The following LOXHD1 variants were observed in gnomAD, a reference collection of about 807,000 sequenced individuals.
LOXHD1 encodes lipoxygenase homology PLAT domains 1.
LOXHD1 carries 205 observed loss-of-function variants against 248.2 expected under a neutral mutation model. That is an observed-to-expected ratio of 0.83 (90% CI 0.74 to 0.93). The LOEUF is 0.93. Among genes scored for constraint, LOXHD1 ranks in the 40% least tolerant of loss-of-function variants. The probability of loss-of-function intolerance (pLI) is 0.00; values close to 1 mark genes in which losing one functional copy is unlikely to be tolerated. For synonymous variants in LOXHD1, 1,113 were observed against 1,162.8 expected (o/e 0.96, Z 0.87); for missense variants, 2,930 against 2,971.6 (o/e 0.99, Z 0.33).
intron 37 of LOXHD1, among the ~76,000 whole-genome samples, 173 bp from the exon 38 acceptor site, chr18:46,489,315 G>A (rs1427836713): frequency 6.6e-6 from 1 of 152,040 alleles, no homozygotes; most frequent in African/African-American, 2.4e-5. Context: ...GTCTCAGAGG[G>A]TTCCTCCAGC....
intron 14 of LOXHD1, among the ~76,000 whole-genome samples, chr18:46,574,212 G>C (rs2037809755): frequency 6.6e-6 from 1 of 152,078 alleles, no homozygotes; most frequent in Admixed American, 6.5e-5. Context: ...TTGTCATTTT[G>C]TTTCCACCTA....
At chr18:46,645,725 C>T (rs1024943456) in intron 2 of LOXHD1, among the ~76,000 whole-genome samples, 3 of 151,886 alleles carry the variant, frequency 2.0e-5, no homozygotes, top group Non-Finnish European at 4.4e-5. Context: ...AGAAAATCAG[C>T]ACTGGTACTG....
At chr18:46,593,933 T>C (rs532479121) in intron 9 of LOXHD1, among the ~76,000 whole-genome samples, 173 bp from the exon 10 acceptor site, 2 of 152,334 alleles carry the variant, frequency 1.3e-5, no homozygotes, top group South Asian at 2.1e-4. Context: ...AAGGATTCCT[T>C]ACTATTAAAA....
In LOXHD1 at chr18:46,559,473, T is replaced by C. The variant is rs2037462304; in HGVS notation, c.3191A>G (p.Lys1064Arg). Residue 1064 changes from lysine (K) to arginine (R), a missense_variant, in exon 20 of 41, where the codon AAG becomes AGG. Lys to Arg is a conservative substitution (Grantham distance 26, BLOSUM62 2). Coordinates refer to ENST00000642948, the MANE Select transcript of LOXHD1 (RefSeq NM_001384474.1). Reference protein sequence around the residue: ...TGERPLKKSDKSNKFEQGQTD... With the variant: ...TGERPLKKSDRSNKFEQGQTD... The stretch of plus-strand genomic sequence containing the variant: ...CTGCCCCTGCTCAAATTTGTTGGAC[T>C]TGTCTGACTTCTTCAGGGGTCGTTC... 9.7e-6 allele frequency: 15 copies of C among 1,552,120 alleles called. No homozygotes were observed. The highest frequency in any genetic ancestry group is 1.1e-5 in the Non-Finnish European group (13 of 1,147,080).
intron 17 of LOXHD1, among the ~76,000 whole-genome samples, chr18:46,564,758 G>C (rs948559269): frequency 6.6e-6 from 1 of 151,666 alleles, no homozygotes; most frequent in Non-Finnish European, 1.5e-5. Context: ...ATGAGGGAAG[G>C]AGTTGATTCT....
rs1323336366 is a variant in LOXHD1, at chr18:46,569,516, C to T, written c.2170G>A (p.Asp724Asn). 4 of 1,551,998 alleles carry T rather than the reference C, an allele frequency of 2.6e-6. No individual in the cohort carries two copies. In the African/African-American group the frequency reaches 5.5e-5, roughly 21 times the overall value. Residue 724 changes from aspartate (D) to asparagine (N), a missense_variant, in exon 16 of 41, where the codon GAC (aspartate) becomes AAC (asparagine). Asp to Asn is a conservative substitution (Grantham distance 23). Coordinates refer to ENST00000642948, the MANE Select transcript of LOXHD1 (RefSeq NM_001384474.1). Reference sequence around the variant, plus strand: ...TCAAAGTAGTCTTTGAGGTTGTTGTCAGAGACAAGAAGAACTTGCTTGATG... The same window carrying T: ...TCAAAGTAGTCTTTGAGGTTGTTGTTAGAGACAAGAAGAACTTGCTTGATG... ...DTIKQVLLVS[D>N]NNLKDYFERG...
chr18:46,516,747 TATCATC>T (rs1027252559), intron 34 of LOXHD1, among the ~76,000 whole-genome samples: 2 of 150,734 alleles, frequency 1.3e-5, no homozygotes, highest in East Asian at 3.9e-4. Context: ...TCACCATCAT[TATCATC>T]ATCATCACCA....
rs577228875 is a variant in LOXHD1, at chr18:46,628,783, C to T, written c.512-10493G>A. ...TTTACTGAGCATTGACTCTGTGCCT[C>T]GGCACTAAGTCCTGTATGCTCATTT... On this transcript the variant is annotated intron_variant, in intron 4 of 40. Coordinates refer to ENST00000642948, the MANE Select transcript of LOXHD1 (RefSeq NM_001384474.1). Among the ~76,000 whole-genome samples the T allele has an allele frequency of 5.8e-4, 89 of 152,298 alleles. 1 individual carries two copies. The South Asian group carries it at 0.017, about 29-fold the overall frequency.
rs769737711 is a variant in LOXHD1, at chr18:46,522,501, T to C, written c.4877-192A>G. On this transcript the variant is annotated intron_variant, in intron 31 of 40. Coordinates refer to ENST00000642948, the MANE Select transcript of LOXHD1 (RefSeq NM_001384474.1). ...TCTCCTCTCCAAGAACTGAGGGAGT[T>C]GCTAACTCCCAATGTACAGACCAAA... is the stretch of plus-strand genomic sequence containing the variant. 3.7e-4 allele frequency among the ~76,000 whole-genome samples: 57 copies of C among 152,230 alleles called. 2 individuals carry two copies. Among genetic ancestry groups the C allele is most frequent in the Non-Finnish European group, 4.4e-5 (3 of 68,042 alleles).
In LOXHD1 at chr18:46,547,028, T is replaced by C. The variant is rs1215355831; in HGVS notation, c.3381A>G (p.Ala1127=). Residue 1127 remains alanine, a synonymous_variant, in exon 22 of 41, where the codon GCA becomes GCG. Coordinates refer to ENST00000642948, the MANE Select transcript of LOXHD1 (RefSeq NM_001384474.1). The part of the protein sequence containing the change: ...TYYFPCQRWL[A]VEEDDGQLSR... ...ACAGCTGGCCATCATCTTCCTCCACTGCCAGCCAACGTTGGCATGGAAAGT... is the reference window on the plus strand; with the variant it reads ...ACAGCTGGCCATCATCTTCCTCCACCGCCAGCCAACGTTGGCATGGAAAGT... 6.4e-7 allele frequency: 1 copy of C among 1,551,750 alleles called. No individual in the cohort carries two copies. The highest frequency in any genetic ancestry group is 1.4e-5 in the African/African-American group (1 of 73,174).
chr18:46,545,922 C>T (rs1357226959), intron 22 of LOXHD1, among the ~76,000 whole-genome samples: 1 of 136,370 alleles, frequency 7.3e-6, no homozygotes, highest in East Asian at 2.2e-4. Context: ...AGCCACCGCG[C>T]CTCTTGGCCA....
At chr18:46,539,773 G>C (rs2036476455) in intron 25 of LOXHD1, among the ~76,000 whole-genome samples, 1 of 151,838 alleles carries the variant, frequency 6.6e-6, no homozygotes, top group Admixed American at 6.6e-5. Flanking sequence ...CAATTGCTCT[G>C]GGTCACAGTA....
chr18:46,509,674 A>G (rs2034828443), intron 35 of LOXHD1, 24 bp downstream of exon 35: 2 of 1,503,482 alleles, frequency 1.3e-6, no homozygotes, highest in African/African-American at 1.4e-5. Context: ...GCTGGAAGGA[A>G]GAGTGAGGGT....
chr18:46,645,795 A>T (rs1486494804), intron 2 of LOXHD1, among the ~76,000 whole-genome samples: 1 of 152,136 alleles, frequency 6.6e-6, no homozygotes, highest in Admixed American at 6.5e-5. Context: ...CTAATACAGC[A>T]TTTGGGAGTG....
At position 46,541,768 on chromosome 18, in the gene LOXHD1, G is replaced by C. The variant is rs1377407783; in HGVS notation, c.3913+8C>G. Reference sequence around the variant, plus strand: ...AGAAGGGCTGGCCTTGCCGTGTGTGGTTCCTACATGGTGTGTACAGCCTCG... The same window carrying C: ...AGAAGGGCTGGCCTTGCCGTGTGTGCTTCCTACATGGTGTGTACAGCCTCG... On this transcript the variant is annotated splice_region_variant and intron_variant, in intron 25 of 40. Coordinates refer to ENST00000642948, the MANE Select transcript of LOXHD1 (RefSeq NM_001384474.1). The C allele has an allele frequency of 3.2e-6, 5 of 1,551,694 alleles. No individual in the cohort carries two copies. Among genetic ancestry groups the C allele is most frequent in the Non-Finnish European group, 4.4e-6 (5 of 1,146,970 alleles).
intron 37 of LOXHD1, among the ~76,000 whole-genome samples, chr18:46,489,880 T>C (rs2033339904): frequency 6.6e-6 from 1 of 152,250 alleles, no homozygotes. Context: ...TAATGTGTCA[T>C]GACTTGGCTA....
intron 4 of LOXHD1, among the ~76,000 whole-genome samples, chr18:46,632,345 C>T (rs1263095727): frequency 6.6e-6 from 1 of 152,088 alleles, no homozygotes; most frequent in East Asian, 1.9e-4. Context: ...TCTGTGTCCT[C>T]CACTGGACTG....
intron 1 of LOXHD1, among the ~76,000 whole-genome samples, chr18:46,652,136 T>C (rs1201564720): frequency 6.6e-6 from 1 of 152,164 alleles, no homozygotes; most frequent in African/African-American, 2.4e-5. Context: ...AAACACAACA[T>C]ACTTTATCAT....
At position 46,609,806 on chromosome 18, in the gene LOXHD1, T is replaced by C. The variant is rs369077428; in HGVS notation, c.759+970A>G. ...TTAAAATGACAGGAAACAAGTTTACTAGAAGGGATTACAGGTAAGCACCAG... is the reference window on the plus strand; with the variant it reads ...TTAAAATGACAGGAAACAAGTTTACCAGAAGGGATTACAGGTAAGCACCAG... On this transcript the variant is annotated intron_variant, in intron 6 of 40. Transcript: ENST00000642948. Among the ~76,000 whole-genome samples, 4 of 152,326 alleles carry C rather than the reference T, an allele frequency of 2.6e-5. No individual in the cohort carries two copies. In the East Asian group the frequency reaches 7.7e-4, roughly 29 times the overall value.
Sources: allele counts gnomAD v4.1 joint callset (sites outside exome capture counted in the v4.1 genomes callset), GRCh38; gene constraint gnomAD v4.1.1; transcripts MANE v1.5; gene names NCBI Gene and HGNC (gene_info 2026-07-23, HGNC 2026-07-21).